The following EPHA2 variants were observed in gnomAD, a reference collection of about 807,000 sequenced individuals.
EPHA2 encodes EPH receptor A2, also known as ephrin type-A receptor 2.
In EPHA2, 54 loss-of-function variants were observed where a neutral mutation model predicts 104.9. That is an observed-to-expected ratio of 0.51 (90% CI 0.41 to 0.65). The LOEUF is 0.65. EPHA2 is among the 30% of genes least tolerant of loss of function. The probability of loss-of-function intolerance (pLI) is 0.00; values close to 1 mark genes in which losing one functional copy is unlikely to be tolerated. For synonymous variants in EPHA2, 560 were observed against 559.1 expected, an observed-to-expected ratio of 1.00 and a Z score of -0.02; for missense variants, 1,117 against 1,369.5, an observed-to-expected ratio of 0.82 and a Z score of 2.91.
intron 3 of EPHA2, among the ~76,000 whole-genome samples, chr1:16,139,850 G>A (rs866305139): frequency 1.3e-5 from 2 of 152,168 alleles, no homozygotes; most frequent in Non-Finnish European, 2.9e-5. Flanking sequence ...ATGGAAAGCC[G>A]CTGGAGGTCT....
At chr1:16,136,705 GAAGAAGAAAA>G (rs1557507129) in intron 5 of EPHA2, among the ~76,000 whole-genome samples, 17 of 90,648 alleles carry the variant, frequency 1.9e-4, no homozygotes, top group African/African-American at 1.3e-3. Flanking sequence ...AGAAGAAGAA[GAAGAAGAAAA>G]GAAGAAGAAG....
intron 5 of EPHA2, among the ~76,000 whole-genome samples, chr1:16,136,753 A>G (rs181224790): frequency 1.4e-5 from 2 of 143,796 alleles, no homozygotes; most frequent in Admixed American, 6.7e-5. Context: ...GAAGAAGAAG[A>G]AGAAGAAGAA....
intron 3 of EPHA2, among the ~76,000 whole-genome samples, chr1:16,147,673 T>C (rs1481313226): frequency 6.6e-6 from 1 of 150,842 alleles, no homozygotes; most frequent in East Asian, 1.9e-4. Context: ...ATTAAGTCAT[T>C]TGATTATCAC....
chr1:16,133,010 G>A (rs1557503862), intron 11 of EPHA2, 170 bp downstream of exon 11: 17 of 876,854 alleles, frequency 1.9e-5, no homozygotes, highest in South Asian at 3.2e-5. Flanking sequence ...GGGCACAGGT[G>A]TTAGGAGGTG....
intron 1 of EPHA2, 106 bp downstream of exon 1, chr1:16,155,742 C>G (rs2025150602): frequency 1.1e-6 from 1 of 932,166 alleles, no homozygotes; most frequent in African/African-American, 1.7e-5. Context: ...TTCGCCGGGA[C>G]TGGGCGACAC....
chr1:16,132,004 G>C (rs186705552), intron 13 of EPHA2, 60 bp downstream of exon 13: 4 of 1,612,432 alleles, frequency 2.5e-6, no homozygotes, highest in Admixed American at 1.7e-5. Flanking sequence ...GTGTGCAGGT[G>C]AGAGGACACC....
At chr1:16,142,436 T>C (rs2024839765) in intron 3 of EPHA2, among the ~76,000 whole-genome samples, 1 of 152,244 alleles carries the variant, frequency 6.6e-6, no homozygotes, top group African/African-American at 2.4e-5. Flanking sequence ...AATTTATCTG[T>C]GTCCCATGGC....
intron 3 of EPHA2, among the ~76,000 whole-genome samples, chr1:16,146,014 G>A (rs1030878671): frequency 3.3e-5 from 5 of 152,296 alleles, no homozygotes; most frequent in East Asian, 1.9e-4. Flanking sequence ...CCCCTCGGAC[G>A]ACACCCGTCT....
At chr1:16,144,577 T>C (rs1299975836) in intron 3 of EPHA2, among the ~76,000 whole-genome samples, 1 of 152,180 alleles carries the variant, frequency 6.6e-6, no homozygotes, top group Non-Finnish European at 1.5e-5. Flanking sequence ...CTCACCACAC[T>C]TGTGTCACAC....
At position 16,143,414 on chromosome 1, in the gene EPHA2, G is replaced by C. The variant is rs75423535; in HGVS notation, c.823+4964C>G. On this transcript the variant is annotated intron_variant, in intron 3 of 16. Coordinates refer to ENST00000358432, the MANE Select transcript of EPHA2 (RefSeq NM_004431.5). Reference sequence around the variant, plus strand: ...CAGGATGCCTACCTGCCTTACACAAGAGCCTAACTTTGGCACACCTGTGGC... The same window carrying C: ...CAGGATGCCTACCTGCCTTACACAACAGCCTAACTTTGGCACACCTGTGGC... Among the ~76,000 whole-genome samples the C allele has an allele frequency of 8.5e-5, 13 of 152,152 alleles. No homozygotes were observed. The East Asian group carries it at 2.5e-3, about 29-fold the overall frequency.
rs749997693 is a variant in EPHA2, at chr1:16,133,333, T to C, written c.1900A>G (p.Thr634Ala). 2.5e-6 allele frequency: 4 copies of C among 1,613,716 alleles called. No individual in the cohort carries two copies. In the East Asian group the frequency reaches 8.9e-5, roughly 36 times the overall value. ...FGEVYKGMLK[T>A]SSGKKEVPVA... is the part of the protein sequence containing the mutation. ...GGCACCTCCTTCTTCCCCGAGGATG[T>C]CTTCAGCATGCCCTTGTACACCTCC... is the stretch of plus-strand genomic sequence containing the variant. Residue 634 changes from threonine to alanine, a missense_variant, in exon 11 of 17, where the codon ACA becomes GCA. Thr to Ala is a moderately conservative substitution (Grantham distance 58). This residue lies in a region of EPHA2 where 113 missense variants were observed against 104.3 expected (regional missense o/e 1.08). Coordinates refer to ENST00000358432, the MANE Select transcript of EPHA2 (RefSeq NM_004431.5).
At chr1:16,155,760 G>T in intron 1 of EPHA2, 88 bp downstream of exon 1, 1 of 1,092,398 alleles carries the variant, frequency 9.2e-7, no homozygotes, top group Non-Finnish European at 1.2e-6. Flanking sequence ...CACCAGGTAG[G>T]TTCCAAAGTT....
Position 16,134,014 on chromosome 1 carries a change from G to A in EPHA2, c.1683-99C>T. 7.9e-7 allele frequency: 1 copy of A among 1,260,784 alleles called. No individual in the cohort carries two copies. The highest frequency in any genetic ancestry group is 1.1e-6 in the Non-Finnish European group (1 of 914,400). 78.1% of individuals were successfully genotyped at this position (1,260,784 alleles called of 1,614,324 possible). On this transcript the variant is annotated intron_variant, in intron 8 of 16. Coordinates refer to ENST00000358432, the MANE Select transcript of EPHA2 (RefSeq NM_004431.5). This position sits in a 1 kb window ranked among gnomAD's most constrained non-coding sequence, Gnocchi z 4.5. ...CCTACTTTGGTCCTAGGAGGACCTG[G>A]GGTGCTCAGAATGCGGCCCAGTCCC...
chr1:16,153,398 G>A (rs1354789711), intron 1 of EPHA2: 3 of 893,538 alleles, frequency 3.4e-6, no homozygotes, highest in East Asian at 2.4e-4. Context: ...AGGGGACAGA[G>A]GGCAGACTTG....
rs1202195529 is a variant in EPHA2 at position 16,133,491 on chromosome 1, C to T, written c.1854G>A (p.Val618=). ...IHPSCVTRQK[V]IGAGEFGEVY... is the part of the protein sequence containing the mutation. ...GGGGGCCAACCTCACCTGCTCCGAT[C>T]ACCTTCTGCCGAGTGACACAGGATG... The change falls in exon 10 of 17, where the codon GTG becomes GTA. Residue 618 remains valine (V), a synonymous_variant. Transcript: ENST00000358432. The T allele has an allele frequency of 6.2e-7, 1 of 1,614,006 alleles. No individual in the cohort carries two copies. The highest frequency in any genetic ancestry group is 8.5e-7 in the Non-Finnish European group (1 of 1,179,998).
chr1:16,134,097 G>A lies in EPHA2; in HGVS notation c.1683-182C>T, dbSNP rs1288859297. On this transcript the variant is annotated intron_variant, in intron 8 of 16. Coordinates refer to ENST00000358432, the MANE Select transcript of EPHA2 (RefSeq NM_004431.5). The surrounding 1 kb of genome is among the most constrained non-coding windows in gnomAD (Gnocchi z 4.5). ...CGAGGGTGCGGAGAAGGCGGGTGGA[G>A]GAACAGGGAGGAAGTGAGCGAGCCA... is the stretch of plus-strand genomic sequence containing the variant. Among the ~76,000 whole-genome samples, 1 of 152,142 alleles carries A rather than the reference G, an allele frequency of 6.6e-6. No individual in the cohort carries two copies. The highest frequency in any genetic ancestry group is 2.4e-5 in the African/African-American group (1 of 41,452).
rs2024970584 is a variant in EPHA2 at position 16,148,381 on chromosome 1, G to C, written c.820C>G (p.Gln274Glu). The change falls in exon 3 of 17, where the codon CAG (glutamine) becomes GAG (glutamate). Residue 274 changes from glutamine to glutamate, a missense_variant. Physicochemically the swap from Gln to Glu is conservative, Grantham distance 29. Around this residue, in one of 3 missense-constraint regions of EPHA2, gnomAD observed 664 missense variants for 784.8 expected, o/e 0.85. Transcript: ENST00000358432. The surrounding 1 kb of genome is among the most constrained non-coding windows in gnomAD (Gnocchi z 4.9). ...GCAACCCAGAACCGTCACTCACCCT[G>C]GCAGGCATCCTCCACCTTCTCGTAG... ...AGYEKVEDAC[Q>E]ACSPGFFKFE... 2.5e-6 allele frequency: 4 copies of C among 1,613,624 alleles called. No homozygotes were observed. The highest frequency in any genetic ancestry group is 2.5e-6 in the Non-Finnish European group (3 of 1,180,034).
chr1:16,130,298 T>C lies in EPHA2; in HGVS notation c.2597A>G (p.Asp866Gly). 1 of 1,612,332 alleles carries C rather than the reference T, an allele frequency of 6.2e-7. No homozygotes were observed. The highest frequency in any genetic ancestry group is 8.5e-7 in the Non-Finnish European group (1 of 1,178,768). Residue 866 changes from aspartate (D) to glycine (G), a missense_variant, in exon 15 of 17, where the codon GAC (aspartate) becomes GGC (glycine). Physicochemically the swap from Asp to Gly is moderately conservative, Grantham distance 94 (BLOSUM62 -1). Transcript: ENST00000358432. The surrounding 1 kb of genome is among the most constrained non-coding windows in gnomAD (Gnocchi z 4.5). ...GAGCTTGTCCAGGATGCTGACGATG[T>C]CAGCGAACTTGGGGCGGCGGGCACG... ...QERARRPKFA[D>G]IVSILDKLIR...
At chr1:16,152,691 T>G (rs1485543950) in intron 1 of EPHA2, among the ~76,000 whole-genome samples, 2 of 152,108 alleles carry the variant, frequency 1.3e-5, no homozygotes, top group African/African-American at 2.4e-5. Flanking sequence ...CCCCTTAGAT[T>G]GACAGGAGGC....
Sources: gnomAD v4.1 joint callset for allele counts (sites outside exome capture counted in the v4.1 genomes callset) on GRCh38, gnomAD v4.1.1 for gene constraint, gnomAD v4.1.1 regional missense constraint, Gnocchi (gnomAD v3.1) non-coding constraint, MANE v1.5 for transcripts, NCBI Gene and HGNC (gene_info 2026-07-23, HGNC 2026-07-21) for gene names.